XYLB: variants seen among roughly 807,000 people sequenced by gnomAD.
XYLB encodes xylulose kinase.
In XYLB, 62 loss-of-function variants were observed where a neutral mutation model predicts 78.7. The ratio of observed to expected loss-of-function variants is 0.79; its 90% CI spans 0.64 to 0.97. The LOEUF (loss-of-function observed/expected upper bound fraction) is 0.97, where lower values mean the gene tolerates loss of function less well. Ranked by LOEUF, XYLB falls within the 50% of genes least tolerant of loss-of-function variation. The probability of loss-of-function intolerance (pLI) is 0.00; values close to 1 mark genes in which losing one functional copy is unlikely to be tolerated. For missense variants in XYLB, 687 were observed against 676.8 expected, an observed-to-expected ratio of 1.02 and a Z score of -0.17; for synonymous variants, 245 against 247.4, an observed-to-expected ratio of 0.99 and a Z score of 0.09.
At chr3:38,352,057 A>G (rs1276992837) in intron 2 of XYLB, among the ~76,000 whole-genome samples, 1 of 152,232 alleles carries the variant, frequency 6.6e-6, no homozygotes, top group African/African-American at 2.4e-5. Flanking sequence ...TGGCTGAGTT[A>G]TACGGCAGGT....
At chr3:38,372,951 C>T (rs1706652735) in intron 10 of XYLB, among the ~76,000 whole-genome samples, 2 of 152,122 alleles carry the variant, frequency 1.3e-5, no homozygotes, top group Non-Finnish European at 2.9e-5. Flanking sequence ...ACTCCTTGTA[C>T]CTGCCCCATC....
Position 38,353,377 on chromosome 3 carries a change from C to T in XYLB, c.140+4745C>T, listed in dbSNP as rs1028599306. On this transcript the variant is annotated intron_variant, in intron 2 of 18. Coordinates refer to ENST00000207870, the MANE Select transcript of XYLB (RefSeq NM_005108.4). ...GCTGGAGTGCAGTGGTGTGATTCAG[C>T]TCACTGCTATCTATGCCTCCCGGGC... Among the ~76,000 whole-genome samples, 16 of 152,092 alleles carry T rather than the reference C, an allele frequency of 1.1e-4. 1 individual carries two copies. The highest frequency in any genetic ancestry group is 9.2e-4 in the Admixed American group (14 of 15,260).
At chr3:38,362,665 G>GA (rs930194110) in intron 3 of XYLB, among the ~76,000 whole-genome samples, 29 of 150,510 alleles carry the variant, frequency 1.9e-4, no homozygotes, top group Admixed American at 1.6e-3. Context: ...CTGTCTCGAA[G>GA]AAAAAAAAAT....
At chr3:38,395,390 G>A in intron 15 of XYLB, 115 bp from the exon 16 acceptor site, 1 of 865,770 alleles carries the variant, frequency 1.2e-6, no homozygotes, top group South Asian at 1.5e-5. Flanking sequence ...TGTGTGATAA[G>A]TGGGAGGCAT....
chr3:38,384,256 G>C (rs921857549), intron 15 of XYLB, among the ~76,000 whole-genome samples: 1 of 152,096 alleles, frequency 6.6e-6, no homozygotes, highest in Non-Finnish European at 1.5e-5. Flanking sequence ...AGTAGAGACG[G>C]GGTTTCACCG....
intron 18 of XYLB, among the ~76,000 whole-genome samples, chr3:38,402,790 A>T (rs779944059): frequency 3.9e-4 from 59 of 152,198 alleles, no homozygotes; most frequent in Admixed American, 1.7e-3. Context: ...GTGGTTCAAC[A>T]TGAGAACTCT....
the XYLB span, among the ~76,000 whole-genome samples, chr3:38,449,050 G>A: frequency 2.0e-5 from 3 of 152,030 alleles, no homozygotes; most frequent in African/African-American, 7.2e-5. Flanking sequence ...GAGTGCACTT[G>A]GATGGTCTGG....
intron 8 of XYLB, among the ~76,000 whole-genome samples, chr3:38,369,296 A>G (rs1305458015): frequency 6.6e-6 from 1 of 152,208 alleles, no homozygotes; most frequent in Non-Finnish European, 1.5e-5. Flanking sequence ...CAGGCAGAAC[A>G]GTCAACTTGG....
At chr3:38,438,564 G>T in the XYLB span, among the ~76,000 whole-genome samples, 1 of 152,198 alleles carries the variant, frequency 6.6e-6, no homozygotes, top group East Asian at 1.9e-4. Flanking sequence ...TCCGGAGTTG[G>T]TTCCTTCCTG....
At chr3:38,363,041 T>A in intron 4 of XYLB, 24 bp downstream of exon 4, 1 of 1,517,932 alleles carries the variant, frequency 6.6e-7, no homozygotes, top group Non-Finnish European at 8.9e-7. Context: ...AGACTCTGTC[T>A]GCCATGTGAG....
chr3:38,358,351 G>GTT, intron 2 of XYLB, among the ~76,000 whole-genome samples: 1 of 93,808 alleles, frequency 1.1e-5, no homozygotes, highest in Non-Finnish European at 2.1e-5. Context: ...GTGTGTGTGT[G>GTT]TGTGTGTTTG....
chr3:38,431,927 C>G, the XYLB span, among the ~76,000 whole-genome samples: 4 of 152,068 alleles, frequency 2.6e-5, no homozygotes. Flanking sequence ...TTGCCCTTGA[C>G]ACATGAGGAT....
At chr3:38,375,641 T>C (rs1338091554) in intron 12 of XYLB, among the ~76,000 whole-genome samples, 2 of 152,092 alleles carry the variant, frequency 1.3e-5, no homozygotes, top group Admixed American at 1.3e-4. Context: ...CCTCAGCAAA[T>C]GGCGGGAAGG....
chr3:38,366,549 T>A (rs992157188), intron 6 of XYLB, among the ~76,000 whole-genome samples: 6 of 152,228 alleles, frequency 3.9e-5, no homozygotes, highest in East Asian at 3.8e-4. Context: ...TGCTTATTTT[T>A]AAAATATTTA....
intron 18 of XYLB, among the ~76,000 whole-genome samples, chr3:38,401,811 T>C (rs1387709692): frequency 6.6e-6 from 1 of 152,122 alleles, no homozygotes; most frequent in African/African-American, 2.4e-5. Flanking sequence ...TGAATCTGGA[T>C]GGCACACCAT....
chr3:38,371,072 T>C (rs1308462890), intron 9 of XYLB, among the ~76,000 whole-genome samples: 2 of 152,158 alleles, frequency 1.3e-5, no homozygotes, highest in Admixed American at 6.5e-5. Context: ...GAGGGGCTGC[T>C]GTGAGGACTT....
intron 5 of XYLB, 79 bp downstream of exon 5, chr3:38,365,364 TCA>T: frequency 6.6e-7 from 1 of 1,504,166 alleles, no homozygotes; most frequent in Non-Finnish European, 9.2e-7. Context: ...CCTGCTCATC[TCA>T]GTGTTGCAGC....
At chr3:38,365,435 C>A in intron 5 of XYLB, 150 bp downstream of exon 5, 1 of 1,375,948 alleles carries the variant, frequency 7.3e-7, no homozygotes, top group East Asian at 2.4e-5. Context: ...GGAGAGACCC[C>A]ACTGGGCCAG....
chr3:38,376,778 T>G, intron 13 of XYLB, 140 bp from the exon 14 acceptor site: 1 of 640,122 alleles, frequency 1.6e-6, no homozygotes, highest in Admixed American at 3.0e-5. Context: ...ACTGAGAATA[T>G]TCACAGGTCT....
Sources: gnomAD v4.1 joint callset for allele counts (sites outside exome capture counted in the v4.1 genomes callset) on GRCh38, gnomAD v4.1.1 for gene constraint, MANE v1.5 for transcripts, NCBI Gene and HGNC (gene_info 2026-07-23, HGNC 2026-07-21) for gene names.